Variants in NRG1 observed in about 807,000 individuals in gnomAD.
NRG1 encodes neuregulin 1.
NRG1 carries 18 observed loss-of-function variants against 63.8 expected under a neutral mutation model. The ratio of observed to expected loss-of-function variants is 0.28; its 90% CI spans 0.19 to 0.42. The LOEUF is 0.42. Ranked by LOEUF, NRG1 falls within the 10% of genes least tolerant of loss-of-function variation. The pLI is 1.00. For synonymous variants in NRG1, 302 were observed against 301.3 expected (o/e 1.00, Z -0.02); for missense variants, 762 against 814.7 (o/e 0.94, Z 0.79).
chr8:32,620,829 A>G (rs942388610), intron 5 of NRG1, among the ~76,000 whole-genome samples: 3 of 151,938 alleles, frequency 2.0e-5, no homozygotes, highest in Non-Finnish European at 2.9e-5. Context: ...CTCTCTTAAA[A>G]TAAAAACAAA....
intron 1 of NRG1, among the ~76,000 whole-genome samples, chr8:32,182,027 A>G (rs2132112027): frequency 6.6e-6 from 1 of 152,326 alleles, no homozygotes; most frequent in South Asian, 2.1e-4. Flanking sequence ...TTCAAGTGTA[A>G]AATTCTACTT....
chr8:32,505,557 C>G (rs1828410462), intron 1 of NRG1, among the ~76,000 whole-genome samples: 1 of 152,146 alleles, frequency 6.6e-6, no homozygotes, highest in African/African-American at 2.4e-5. Context: ...GAGTTGTCCC[C>G]AGAGAGGGTG....
intron 1 of NRG1, among the ~76,000 whole-genome samples, chr8:31,650,922 G>A (rs990245102): frequency 6.6e-6 from 1 of 152,106 alleles, no homozygotes. Context: ...TTGGGTCTCA[G>A]TTTCCTAATA....
In NRG1 at chr8:31,996,921, G is replaced by A. The variant is rs572410200; in HGVS notation, c.37+357490G>A. 3.3e-5 allele frequency among the ~76,000 whole-genome samples: 5 copies of A among 151,972 alleles called. No individual in the cohort carries two copies. The South Asian group carries it at 8.3e-4, about 25-fold the overall frequency. On this transcript the variant is annotated intron_variant, in intron 1 of 10. Transcript: ENST00000519301. ...CACCCCATGCCCCATCTCTACTAAG[G>A]GGGGGTGGGATTCACTGTCAAAAGA...
intron 1 of NRG1, among the ~76,000 whole-genome samples, chr8:32,268,779 T>C (rs143285763): frequency 1.6e-3 from 245 of 152,276 alleles, no homozygotes; most frequent in African/African-American, 5.4e-3. Context: ...TTTGTGATAC[T>C]CAGGATTAGT....
intron 1 of NRG1, among the ~76,000 whole-genome samples, chr8:32,422,543 A>G (rs1465537275): frequency 6.6e-6 from 1 of 152,138 alleles, no homozygotes; most frequent in Admixed American, 6.6e-5. Context: ...CTTTTGACCA[A>G]TTTTCCTTCT....
At chr8:31,936,724 G>A (rs540870286) in intron 1 of NRG1, among the ~76,000 whole-genome samples, 2 of 152,238 alleles carry the variant, frequency 1.3e-5, no homozygotes, top group Admixed American at 6.5e-5. Flanking sequence ...TGCTATTTTC[G>A]TGGTGTTCAT....
chr8:32,560,584 A>G (rs1469693659), intron 1 of NRG1, among the ~76,000 whole-genome samples: 5 of 152,244 alleles, frequency 3.3e-5, no homozygotes, highest in Non-Finnish European at 7.3e-5. Context: ...TCAGTTAATA[A>G]GAAAGTATGA....
chr8:31,925,603 T>G (rs1417062698), intron 1 of NRG1, among the ~76,000 whole-genome samples: 4 of 152,118 alleles, frequency 2.6e-5, no homozygotes, highest in Admixed American at 2.6e-4. Context: ...TCTAATTACT[T>G]GTGTCTTATT....
chr8:32,335,654 C>A (rs1803171767), intron 1 of NRG1, among the ~76,000 whole-genome samples: 1 of 152,152 alleles, frequency 6.6e-6, no homozygotes, highest in Non-Finnish European at 1.5e-5. Context: ...ACATAATAGG[C>A]CTTCCATAAG....
At chr8:32,677,096 A>T (rs946722208) in intron 5 of NRG1, among the ~76,000 whole-genome samples, 2 of 152,168 alleles carry the variant, frequency 1.3e-5, no homozygotes, top group African/African-American at 4.8e-5. Flanking sequence ...CCTCAAGAGT[A>T]TAGAGAGAGA....
At chr8:32,002,036 T>G (rs71523449) in intron 1 of NRG1, among the ~76,000 whole-genome samples, 12,310 of 152,112 alleles carry the variant, frequency 0.081, 604 homozygotes, top group Admixed American at 0.14. Flanking sequence ...TGAATTTTTT[T>G]TTCTTGAGAT....
chr8:32,189,000 G>T (rs1842230241), intron 1 of NRG1, among the ~76,000 whole-genome samples: 1 of 151,978 alleles, frequency 6.6e-6, no homozygotes, highest in South Asian at 2.1e-4. Context: ...GTGAATTAGA[G>T]GTCCCTAGAA....
chr8:32,415,845 G>A (rs1815834305), intron 1 of NRG1, among the ~76,000 whole-genome samples: 1 of 152,064 alleles, frequency 6.6e-6, no homozygotes, highest in African/African-American at 2.4e-5. Flanking sequence ...ATCATGGCTG[G>A]CCAAGTACAT....
At chr8:31,894,109 C>A (rs1320594997) in intron 1 of NRG1, among the ~76,000 whole-genome samples, 2 of 151,866 alleles carry the variant, frequency 1.3e-5, no homozygotes, top group Non-Finnish European at 2.9e-5. Flanking sequence ...TATAGATAAA[C>A]AGAAAGAAAG....
intron 1 of NRG1, chr8:32,029,553 T>C (rs1817950844): frequency 6.6e-6 from 1 of 152,200 alleles, no homozygotes; most frequent in African/African-American, 2.4e-5. Flanking sequence ...GTTTGAACAG[T>C]TGATTGACTG....
intron 5 of NRG1, among the ~76,000 whole-genome samples, chr8:32,720,101 G>A (rs1381512296): frequency 1.3e-5 from 2 of 151,882 alleles, no homozygotes; most frequent in Non-Finnish European, 2.9e-5. Context: ...ATTTCTAAGT[G>A]GGCTTTAGTT....
intron 1 of NRG1, among the ~76,000 whole-genome samples, chr8:31,993,566 C>T (rs916971627): frequency 2.6e-5 from 4 of 151,950 alleles, no homozygotes. Context: ...TCTTCCCCAC[C>T]ACTGTGTAAG....
chr8:32,145,350 T>G (rs749687623), intron 1 of NRG1, among the ~76,000 whole-genome samples: 9 of 152,178 alleles, frequency 5.9e-5, no homozygotes, highest in African/African-American at 4.8e-5. Flanking sequence ...ATGGCTTAAA[T>G]TTTTTTCAAG....
Sources: allele counts gnomAD v4.1 joint callset (sites outside exome capture counted in the v4.1 genomes callset), GRCh38; gene constraint gnomAD v4.1.1; transcripts MANE v1.5; gene names NCBI Gene and HGNC (gene_info 2026-07-23, HGNC 2026-07-21).